The following CNTNAP2 variants were observed in gnomAD, a reference collection of about 807,000 sequenced individuals.
CNTNAP2 encodes contactin associated protein 2, also known as contactin-associated protein-like 2.
CNTNAP2 carries 98 observed loss-of-function variants against 155.2 expected under a neutral mutation model. The ratio of observed to expected loss-of-function variants is 0.63; its 90% CI spans 0.54 to 0.75. The LOEUF is 0.75. Among genes scored for constraint, CNTNAP2 ranks in the 30% least tolerant of loss-of-function variants. CNTNAP2 has a pLI of 0.00. For synonymous variants in CNTNAP2, 651 were observed against 631.2 expected, an observed-to-expected ratio of 1.03 and a Z score of -0.47; for missense variants, 1,727 against 1,688.1, an observed-to-expected ratio of 1.02 and a Z score of -0.40.
At chr7:147,239,028 CTATT>C (rs1387430779) in intron 8 of CNTNAP2, among the ~76,000 whole-genome samples, 1 of 152,040 alleles carries the variant, frequency 6.6e-6, no homozygotes, top group Non-Finnish European at 1.5e-5. Flanking sequence ...AATGGATAAT[CTATT>C]TACCATCCAA....
intron 13 of CNTNAP2, among the ~76,000 whole-genome samples, chr7:147,687,460 A>T (rs1796029761): frequency 6.6e-6 from 1 of 152,132 alleles, no homozygotes; most frequent in South Asian, 2.1e-4. Flanking sequence ...GAAAGTGTAG[A>T]AGCTTAAGAA....
chr7:147,052,418 G>A (rs1218001370), intron 4 of CNTNAP2, among the ~76,000 whole-genome samples: 1 of 151,976 alleles, frequency 6.6e-6, no homozygotes, highest in Non-Finnish European at 1.5e-5. Flanking sequence ...TATTCCCTCA[G>A]TGAAAACTGA....
chr7:147,950,901 T>C (rs929945070), intron 14 of CNTNAP2, among the ~76,000 whole-genome samples: 3 of 152,224 alleles, frequency 2.0e-5, no homozygotes, highest in African/African-American at 4.8e-5. Flanking sequence ...TAAATTAACC[T>C]TATCTGTCTC....
intron 1 of CNTNAP2, among the ~76,000 whole-genome samples, chr7:146,247,826 G>C (rs1199420023): frequency 6.6e-6 from 1 of 152,144 alleles, no homozygotes; most frequent in African/African-American, 2.4e-5. Flanking sequence ...GGAATGGAGG[G>C]TGGATGGTTG....
intron 1 of CNTNAP2, among the ~76,000 whole-genome samples, chr7:146,563,273 A>AT (rs908859872): frequency 1.2e-4 from 18 of 150,954 alleles, no homozygotes; most frequent in African/African-American, 2.2e-4. Flanking sequence ...GGAAGGTCTC[A>AT]TTTTTTTTTC....
chr7:146,552,082 AT>A (rs1424056106), intron 1 of CNTNAP2, among the ~76,000 whole-genome samples: 2 of 152,124 alleles, frequency 1.3e-5, no homozygotes, highest in African/African-American at 4.8e-5. Context: ...ACTCTGTGGA[AT>A]TCACACCATT....
At chr7:147,894,090 G>A (rs1054645225) in intron 13 of CNTNAP2, 35 of 152,126 alleles carry the variant, frequency 2.3e-4, no homozygotes, top group African/African-American at 8.0e-4. Context: ...ATCCCATCCT[G>A]GAGATTATTA....
At chr7:146,241,371 T>G (rs965606999) in intron 1 of CNTNAP2, among the ~76,000 whole-genome samples, 1 of 152,182 alleles carries the variant, frequency 6.6e-6, no homozygotes, top group Non-Finnish European at 1.5e-5. Flanking sequence ...AGGATTAAAC[T>G]AGTCTATATA....
intron 20 of CNTNAP2, among the ~76,000 whole-genome samples, chr7:148,240,855 G>T (rs1225399921): frequency 6.6e-6 from 1 of 151,850 alleles, no homozygotes; most frequent in Non-Finnish European, 1.5e-5. Flanking sequence ...AAGCATCCCA[G>T]CATGGGAGAA....
intron 4 of CNTNAP2, among the ~76,000 whole-genome samples, chr7:147,092,145 A>G (rs549419677): frequency 1.3e-5 from 2 of 152,334 alleles, no homozygotes; most frequent in East Asian, 3.9e-4. Context: ...GATTGACCTA[A>G]GCTGTAAAAA....
intron 20 of CNTNAP2, among the ~76,000 whole-genome samples, chr7:148,249,948 C>A (rs1796336446): frequency 1.3e-5 from 2 of 152,190 alleles, no homozygotes; most frequent in South Asian, 4.1e-4. Flanking sequence ...GACATCACTA[C>A]CCCATCTGTT....
rs749646225 is a variant in CNTNAP2, at chr7:147,562,256, A to C, written c.1896A>C (p.Thr632=). 6.8e-6 allele frequency: 11 copies of C among 1,613,742 alleles called. No individual in the cohort carries two copies. The highest frequency in any genetic ancestry group is 8.5e-6 in the Non-Finnish European group (10 of 1,179,868). The stretch of plus-strand genomic sequence containing the variant: ...CTCTGAAAGTTTACTGCAACATGAC[A>C]GGTAACTGTGTCATATTTATGTTTT... The part of the protein sequence containing the change: ...LGPLKVYCNM[T]EDKVWTIVSH... Residue 632 remains threonine, a splice_region_variant and synonymous_variant, in exon 12 of 24, where the codon ACA becomes ACC. Coordinates refer to ENST00000361727, the MANE Select transcript of CNTNAP2 (RefSeq NM_014141.6).
intron 9 of CNTNAP2, among the ~76,000 whole-genome samples, chr7:147,308,062 T>C (rs947711300): frequency 6.6e-6 from 1 of 152,140 alleles, no homozygotes; most frequent in African/African-American, 2.4e-5. Flanking sequence ...TTGAGGATTA[T>C]CTTTAAATGG....
chr7:148,306,832 G>C (rs1017123702), intron 21 of CNTNAP2, among the ~76,000 whole-genome samples: 2 of 151,836 alleles, frequency 1.3e-5, no homozygotes, highest in Admixed American at 6.6e-5. Context: ...TCCTGTGTTT[G>C]AGACATGTCC....
chr7:147,665,066 C>G lies in CNTNAP2; in HGVS notation c.2098+25760C>G, dbSNP rs182526169. On this transcript the variant is annotated intron_variant, in intron 13 of 23. Transcript: ENST00000361727. Reference sequence around the variant, plus strand: ...TTGATTGCTTTTCACAAAGTAGATGCCACTGCATAACCAAAATCCAGACCA... The same window carrying G: ...TTGATTGCTTTTCACAAAGTAGATGGCACTGCATAACCAAAATCCAGACCA... Among the ~76,000 whole-genome samples, 26 of 152,278 alleles carry G rather than the reference C, an allele frequency of 1.7e-4. No individual in the cohort carries two copies. The East Asian group carries it at 5.0e-3, about 29-fold the overall frequency.
intron 14 of CNTNAP2, among the ~76,000 whole-genome samples, chr7:147,913,403 C>T (rs1800102118): frequency 6.6e-6 from 1 of 152,002 alleles, no homozygotes; most frequent in Non-Finnish European, 1.5e-5. Context: ...GAGATTTTAC[C>T]CTCAGTGACA....
chr7:147,581,266 C>T (rs1485873846), intron 12 of CNTNAP2, among the ~76,000 whole-genome samples: 1 of 152,112 alleles, frequency 6.6e-6, no homozygotes, highest in African/African-American at 2.4e-5. Context: ...TTATAAGACA[C>T]AAATTATATT....
chr7:146,190,429 G>T (rs902870354), intron 1 of CNTNAP2, among the ~76,000 whole-genome samples: 4 of 152,182 alleles, frequency 2.6e-5, no homozygotes, highest in African/African-American at 7.2e-5. Context: ...ATCAGTGTCT[G>T]TGATAATTGT....
chr7:146,434,319 C>T (rs1303410931), intron 1 of CNTNAP2, among the ~76,000 whole-genome samples: 2 of 152,106 alleles, frequency 1.3e-5, no homozygotes, highest in Non-Finnish European at 2.9e-5. Context: ...TATTAGTTTT[C>T]TTATTTATAA....
Sources: allele counts gnomAD v4.1 joint callset (sites outside exome capture counted in the v4.1 genomes callset), GRCh38; gene constraint gnomAD v4.1.1; transcripts MANE v1.5; gene names NCBI Gene and HGNC (gene_info 2026-07-23, HGNC 2026-07-21).